KIRREL3: variants seen among roughly 807,000 people sequenced by gnomAD.
The protein encoded by KIRREL3 is kin of IRRE-like protein 3.
A neutral mutation model predicts 89.7 loss-of-function variants in KIRREL3; 36 were observed. The observed-to-expected ratio is 0.40, with a 90% CI of 0.31 to 0.53. The LOEUF is 0.53. Ranked by LOEUF, KIRREL3 falls within the 20% of genes least tolerant of loss-of-function variation. KIRREL3 has a pLI of 0.49. For synonymous variants in KIRREL3, 445 were observed against 441.4 expected (o/e 1.01, Z -0.10); for missense variants, 864 against 1,056.6 (o/e 0.82, Z 2.53).
intron 1 of KIRREL3, among the ~76,000 whole-genome samples, chr11:126,840,486 A>T (rs1943927331): frequency 6.6e-6 from 1 of 152,106 alleles, no homozygotes; most frequent in South Asian, 2.1e-4. Context: ...AGTTTTATAA[A>T]CTTCCTCCAA....
chr11:126,578,320 C>T lies in KIRREL3; in HGVS notation c.56-15408G>A, dbSNP rs1941364790. 6.6e-6 allele frequency among the ~76,000 whole-genome samples: 1 copy of T among 152,204 alleles called. No homozygotes were observed. The highest frequency in any genetic ancestry group is 6.5e-5 in the Admixed American group (1 of 15,278). The stretch of plus-strand genomic sequence containing the variant: ...CAAGACTCTGGCTTCATTCCCTGGT[C>T]CTTCCTCAGTATCTCACAAAGAAAG... On this transcript the variant is annotated intron_variant, in intron 1 of 16. Transcript: ENST00000525144. This position sits in a 1 kb window ranked among gnomAD's most constrained non-coding sequence, Gnocchi z 4.9.
chr11:126,540,006 A>C (rs1181613152), intron 2 of KIRREL3, among the ~76,000 whole-genome samples: 1 of 152,218 alleles, frequency 6.6e-6, no homozygotes, highest in African/African-American at 2.4e-5. Flanking sequence ...AGGTTTGCAC[A>C]GGTTTTGAAC....
intron 1 of KIRREL3, among the ~76,000 whole-genome samples, chr11:126,820,763 G>A (rs1259154028): frequency 2.0e-5 from 3 of 152,098 alleles, no homozygotes; most frequent in Non-Finnish European, 4.4e-5. Context: ...CTGGAGTTGA[G>A]GCCAAACAGC....
At chr11:126,439,414 C>T (rs1955477283) in intron 11 of KIRREL3, among the ~76,000 whole-genome samples, 1 of 151,770 alleles carries the variant, frequency 6.6e-6, no homozygotes, top group South Asian at 2.1e-4. Flanking sequence ...CTATGTTGCC[C>T]AGGCTGGTCT....
chr11:126,630,288 C>T (rs1219808657), intron 1 of KIRREL3, among the ~76,000 whole-genome samples: 1 of 152,188 alleles, frequency 6.6e-6, no homozygotes, highest in Admixed American at 6.5e-5. Flanking sequence ...TCCTCCCCAA[C>T]ATGTTTTCAT....
rs977213259 is a variant in KIRREL3 at position 126,574,578 on chromosome 11, C to T, written c.56-11666G>A. The stretch of plus-strand genomic sequence containing the variant: ...TGCCAAGGACTGCACAGACCCTGCA[C>T]GTCAATAGCTGAGCCCCAGAGAAGT... On this transcript the variant is annotated intron_variant, in intron 1 of 16. Transcript: ENST00000525144. The surrounding 1 kb of genome is among the most constrained non-coding windows in gnomAD (Gnocchi z 5.3). Among the ~76,000 whole-genome samples, 2 of 152,264 alleles carry T rather than the reference C, an allele frequency of 1.3e-5. No homozygotes were observed. The highest frequency in any genetic ancestry group is 2.1e-4 in the South Asian group (1 of 4,820).
At chr11:126,852,392 T>C (rs1182821140) in intron 1 of KIRREL3, among the ~76,000 whole-genome samples, 1 of 152,194 alleles carries the variant, frequency 6.6e-6, no homozygotes, top group Non-Finnish European at 1.5e-5. Context: ...TTATTACTTA[T>C]CTAGCCTAGG....
In KIRREL3 at chr11:126,739,509, C is replaced by A. The variant is rs1948910713; in HGVS notation, c.56-176597G>T. Among the ~76,000 whole-genome samples, 1 of 152,190 alleles carries A rather than the reference C, an allele frequency of 6.6e-6. No individual in the cohort carries two copies. Among genetic ancestry groups the A allele is most frequent in the African/African-American group, 2.4e-5 (1 of 41,438 alleles). ...GTGCAGGTAGCGTCATGTGCCCTACCTGGGTCTTAAGGAATGATGAGATCC... is the reference window on the plus strand; with the variant it reads ...GTGCAGGTAGCGTCATGTGCCCTACATGGGTCTTAAGGAATGATGAGATCC... On this transcript the variant is annotated intron_variant, in intron 1 of 16. Coordinates refer to ENST00000525144, the MANE Select transcript of KIRREL3 (RefSeq NM_032531.4). This position sits in a 1 kb window ranked among gnomAD's most constrained non-coding sequence, Gnocchi z 5.5.
rs987183166 is a variant in KIRREL3, at chr11:126,632,675, C to T, written c.56-69763G>A. Among the ~76,000 whole-genome samples, 2 of 111,676 alleles carry T rather than the reference C, an allele frequency of 1.8e-5. 1 individual carries two copies. The allele number at this position is 111,676 out of a possible 152,430, so 73.3% of individuals were successfully genotyped here. On this transcript the variant is annotated intron_variant, in intron 1 of 16. Transcript: ENST00000525144. The stretch of plus-strand genomic sequence containing the variant: ...TTGTCTCTATTATTTTCTTGCTCAT[C>T]CTCCTTCCCTGCCACAAGCCTCCTC...
At position 126,431,806 on chromosome 11, in the gene KIRREL3, G is replaced by A. The variant is rs545209208; in HGVS notation, c.1589-280C>T. The stretch of plus-strand genomic sequence containing the variant: ...GAAGGAGAGCGAGGCAGGCAGACAC[G>A]GAGAAGGGAGGGCCAGGGGACAGGA... On this transcript the variant is annotated intron_variant, in intron 13 of 16. Coordinates refer to ENST00000525144, the MANE Select transcript of KIRREL3 (RefSeq NM_032531.4). This position sits in a 1 kb window ranked among gnomAD's most constrained non-coding sequence, Gnocchi z 7.1. 7.2e-5 allele frequency among the ~76,000 whole-genome samples: 11 copies of A among 152,286 alleles called. No individual in the cohort carries two copies. Among genetic ancestry groups the A allele is most frequent in the South Asian group, 2.1e-4 (1 of 4,822 alleles).
At position 126,814,476 on chromosome 11, in the gene KIRREL3, C is replaced by T. The variant is rs972206074; in HGVS notation, c.55+185979G>A. Among the ~76,000 whole-genome samples, 1 of 152,114 alleles carries T rather than the reference C, an allele frequency of 6.6e-6. No homozygotes were observed. The highest frequency in any genetic ancestry group is 1.5e-5 in the Non-Finnish European group (1 of 68,018). ...TAAAGATACATGCACTACATATGTT[C>T]ATTGCAGCATTATTCACAATAGCAA... On this transcript the variant is annotated intron_variant, in intron 1 of 16. Coordinates refer to ENST00000525144, the MANE Select transcript of KIRREL3 (RefSeq NM_032531.4). This position sits in a 1 kb window ranked among gnomAD's most constrained non-coding sequence, Gnocchi z 4.4.
rs1208112184 is a variant in KIRREL3, at chr11:126,462,055, G to A, written c.742+1102C>T. ...TCCAGTCTTGAGAGGAAGGCCCCTG[G>A]AACACCTTGCTGAGCTCTTCTTGGT... On this transcript the variant is annotated intron_variant, in intron 6 of 16. Transcript: ENST00000525144. This position sits in a 1 kb window ranked among gnomAD's most constrained non-coding sequence, Gnocchi z 4.8. 6.6e-6 allele frequency among the ~76,000 whole-genome samples: 1 copy of A among 152,152 alleles called. No individual in the cohort carries two copies. Among genetic ancestry groups the A allele is most frequent in the Non-Finnish European group, 1.5e-5 (1 of 68,020 alleles).
rs1944965873 is a variant in KIRREL3 at position 126,652,999 on chromosome 11, G to C, written c.56-90087C>G. ...TTCATGCATTCAGCAGCCAGTATTT[G>C]TTAAATGTCTCCTACACTCTTAATT... On this transcript the variant is annotated intron_variant, in intron 1 of 16. Coordinates refer to ENST00000525144, the MANE Select transcript of KIRREL3 (RefSeq NM_032531.4). This position sits in a 1 kb window ranked among gnomAD's most constrained non-coding sequence, Gnocchi z 4.9. 1 of 151,222 alleles carries C rather than the reference G, an allele frequency of 6.6e-6. No homozygotes were observed. Among genetic ancestry groups the C allele is most frequent in the South Asian group, 2.1e-4 (1 of 4,784 alleles). 9.4% of individuals were successfully genotyped at this position (151,222 alleles called of 1,614,324 possible).
rs539890711 is a variant in KIRREL3 at position 126,812,159 on chromosome 11, C to G, written c.55+188296G>C. ...CTGCTTGCCATTTGCTACTATTTAA[C>G]CCATTCTTTCTATTGTGATCATAAG... is the stretch of plus-strand genomic sequence containing the variant. On this transcript the variant is annotated intron_variant, in intron 1 of 16. Transcript: ENST00000525144. This position sits in a 1 kb window ranked among gnomAD's most constrained non-coding sequence, Gnocchi z 5.2. Among the ~76,000 whole-genome samples, 1 of 152,236 alleles carries G rather than the reference C, an allele frequency of 6.6e-6. No homozygotes were observed. Among genetic ancestry groups the G allele is most frequent in the South Asian group, 2.1e-4 (1 of 4,826 alleles).
intron 1 of KIRREL3, among the ~76,000 whole-genome samples, chr11:126,644,458 A>C (rs1219863721): frequency 2.0e-5 from 3 of 152,214 alleles, no homozygotes; most frequent in African/African-American, 7.2e-5. Flanking sequence ...GTGCATTTCA[A>C]GATGCAAATG....
chr11:126,436,662 G>A (rs907726316), intron 12 of KIRREL3, 149 bp downstream of exon 12: 3 of 809,178 alleles, frequency 3.7e-6, no homozygotes, highest in Non-Finnish European at 3.9e-6. Flanking sequence ...GCTGCTGGCT[G>A]GCTAGGCTGT....
chr11:126,955,239 C>A lies in KIRREL3; in HGVS notation c.55+45216G>T, dbSNP rs1167626568. ...AAAGTGAAAAGCAAGTTGCTTTAAC[C>A]CTGAAAGAAAGTATTTCTCTAGCAA... On this transcript the variant is annotated intron_variant, in intron 1 of 16. Coordinates refer to ENST00000525144, the MANE Select transcript of KIRREL3 (RefSeq NM_032531.4). The surrounding 1 kb of genome is among the most constrained non-coding windows in gnomAD (Gnocchi z 4.6). Among the ~76,000 whole-genome samples, 1 of 152,180 alleles carries A rather than the reference C, an allele frequency of 6.6e-6. No individual in the cohort carries two copies. The highest frequency in any genetic ancestry group is 1.5e-5 in the Non-Finnish European group (1 of 68,044).
At chr11:126,465,624 C>A (rs962998386) in intron 5 of KIRREL3, among the ~76,000 whole-genome samples, 1 of 152,324 alleles carries the variant, frequency 6.6e-6, no homozygotes, top group South Asian at 2.1e-4. Context: ...GAGGCAAAGC[C>A]GGACTGTGAC....
At chr11:126,678,814 T>C (rs1159129856) in intron 1 of KIRREL3, among the ~76,000 whole-genome samples, 1 of 151,912 alleles carries the variant, frequency 6.6e-6, no homozygotes, top group Non-Finnish European at 1.5e-5. Flanking sequence ...AGGATATCAG[T>C]GGAGGTGGCC....
Sources: gnomAD v4.1 joint callset for allele counts (sites outside exome capture counted in the v4.1 genomes callset) on GRCh38, gnomAD v4.1.1 for gene constraint, Gnocchi (gnomAD v3.1) non-coding constraint, MANE v1.5 for transcripts, NCBI Gene and HGNC (gene_info 2026-07-23, HGNC 2026-07-21) for gene names.